Variants in CTNNA2 observed in about 807,000 individuals in gnomAD.
The protein encoded by CTNNA2 is catenin alpha 2, also known as catenin alpha-2.
A neutral mutation model predicts 101.0 loss-of-function variants in CTNNA2; 42 were observed. The observed-to-expected ratio is 0.42, with a 90% CI of 0.32 to 0.54. The LOEUF (loss-of-function observed/expected upper bound fraction) is 0.54. CTNNA2 is among the 20% of genes least tolerant of loss of function. CTNNA2 has a pLI of 0.14. For synonymous variants in CTNNA2, 450 were observed against 456.4 expected, an observed-to-expected ratio of 0.99 and a Z score of 0.18; for missense variants, 871 against 1,223.1, an observed-to-expected ratio of 0.71 and a Z score of 4.29.
intron 7 of CTNNA2, among the ~76,000 whole-genome samples, chr2:80,250,200 A>T (rs1402120914): frequency 1.7e-3 from 242 of 142,456 alleles, no homozygotes; most frequent in African/African-American, 4.1e-3. Flanking sequence ...AGAGAGAGAG[A>T]GAGAGTGTGT....
At chr2:79,605,219 G>C (rs1396733002) in intron 1 of CTNNA2, among the ~76,000 whole-genome samples, 1 of 152,086 alleles carries the variant, frequency 6.6e-6, no homozygotes, top group Non-Finnish European at 1.5e-5. Flanking sequence ...AAAATATACT[G>C]GATGGGACTA....
chr2:80,545,666 G>T (rs1243702437), intron 10 of CTNNA2, among the ~76,000 whole-genome samples: 3 of 152,204 alleles, frequency 2.0e-5, no homozygotes, highest in Non-Finnish European at 4.4e-5. Context: ...CATGAGACTT[G>T]TCCAGTAAAT....
At chr2:79,533,598 C>G (rs972830769) in intron 1 of CTNNA2, among the ~76,000 whole-genome samples, 2 of 151,972 alleles carry the variant, frequency 1.3e-5, no homozygotes. Flanking sequence ...TGATGAGAGA[C>G]ACAAGTGGCC....
At chr2:80,468,512 G>T (rs957062496) in intron 9 of CTNNA2, among the ~76,000 whole-genome samples, 1 of 152,052 alleles carries the variant, frequency 6.6e-6, no homozygotes, top group Non-Finnish European at 1.5e-5. Context: ...TCCACCTCCC[G>T]GTTCAAGTGA....
At chr2:80,601,480 A>T (rs1697529880) in intron 15 of CTNNA2, 1 of 128,160 alleles carries the variant, frequency 7.8e-6, no homozygotes, top group Non-Finnish European at 1.6e-5. Flanking sequence ...TGGAAATCAG[A>T]CTGTTTTGAT....
chr2:79,610,187 C>CT (rs1229778078), intron 1 of CTNNA2, among the ~76,000 whole-genome samples: 1 of 152,030 alleles, frequency 6.6e-6, no homozygotes, highest in African/African-American at 2.4e-5. Flanking sequence ...TCATTGGTCA[C>CT]TAAGGATATG....
intron 9 of CTNNA2, among the ~76,000 whole-genome samples, chr2:80,512,085 G>T (rs186060910): frequency 1.2e-3 from 174 of 142,914 alleles, no homozygotes; most frequent in African/African-American, 4.4e-3. Context: ...AGGAGGTAAA[G>T]GTTGCAGTGA....
At chr2:79,706,036 A>T (rs1338920009) in intron 2 of CTNNA2, among the ~76,000 whole-genome samples, 1 of 152,102 alleles carries the variant, frequency 6.6e-6, no homozygotes, top group African/African-American at 2.4e-5. Context: ...AGAGGCATGG[A>T]AGAGCCGAAG....
chr2:79,425,039 G>A (rs527599479), intron 4 of CTNNA2, among the ~76,000 whole-genome samples: 5 of 152,100 alleles, frequency 3.3e-5, no homozygotes, highest in African/African-American at 1.2e-4. Flanking sequence ...TCTTGCCAAG[G>A]TTTGGGCTGT....
chr2:79,314,022 G>T (rs1308191812), intron 3 of CTNNA2, among the ~76,000 whole-genome samples: 1 of 152,092 alleles, frequency 6.6e-6, no homozygotes, highest in Non-Finnish European at 1.5e-5. Flanking sequence ...TTTGCTGAGG[G>T]ATGGGGCATC....
chr2:80,107,133 T>G (rs1054976801), intron 7 of CTNNA2, among the ~76,000 whole-genome samples: 2 of 152,174 alleles, frequency 1.3e-5, no homozygotes, highest in Admixed American at 1.3e-4. Flanking sequence ...AGTCCCACCT[T>G]CCAGCCGTAA....
At chr2:79,322,228 G>A (rs1450553741) in intron 3 of CTNNA2, among the ~76,000 whole-genome samples, 1 of 152,202 alleles carries the variant, frequency 6.6e-6, no homozygotes, top group Admixed American at 6.5e-5. Flanking sequence ...GGAAGACTCT[G>A]CTTGAGAAGT....
chr2:79,337,581 ACTTC>A (rs1156675784), intron 3 of CTNNA2, among the ~76,000 whole-genome samples: 1 of 152,142 alleles, frequency 6.6e-6, no homozygotes, highest in African/African-American at 2.4e-5. Flanking sequence ...GAAAAAGAAG[ACTTC>A]CTTCTACCAT....
chr2:80,614,647 A>G (rs1698706244), intron 17 of CTNNA2, among the ~76,000 whole-genome samples: 1 of 151,506 alleles, frequency 6.6e-6, no homozygotes, highest in African/African-American at 2.4e-5. Context: ...ATATATGAGA[A>G]TAGTCTGATT....
intron 7 of CTNNA2, among the ~76,000 whole-genome samples, chr2:80,039,393 C>A (rs895003368): frequency 6.6e-6 from 1 of 152,144 alleles, no homozygotes; most frequent in African/African-American, 2.4e-5. Flanking sequence ...AGCCCACGGG[C>A]AGTTACTACC....
chr2:80,069,229 G>T (rs771933864), intron 7 of CTNNA2, among the ~76,000 whole-genome samples: 3 of 152,090 alleles, frequency 2.0e-5, no homozygotes, highest in Non-Finnish European at 2.9e-5. Context: ...CTGCCCTAAT[G>T]CTTGTGCACA....
At chr2:79,758,275 A>G (rs971218091) in intron 3 of CTNNA2, among the ~76,000 whole-genome samples, 2 of 152,298 alleles carry the variant, frequency 1.3e-5, no homozygotes, top group Non-Finnish European at 2.9e-5. Context: ...AATAAAAACC[A>G]GATAAGATTG....
At chr2:79,373,652 G>A (rs893966427) in intron 3 of CTNNA2, among the ~76,000 whole-genome samples, 1 of 102,358 alleles carries the variant, frequency 9.8e-6, no homozygotes, top group Non-Finnish European at 1.9e-5. Flanking sequence ...ACAAAAAAAC[G>A]GTAACTCCCT....
chr2:80,404,697 A>G (rs1359064140), intron 8 of CTNNA2, among the ~76,000 whole-genome samples: 1 of 152,184 alleles, frequency 6.6e-6, no homozygotes, highest in South Asian at 2.1e-4. Context: ...AAGGGACACT[A>G]TGGGTCTTCC....
Sources: allele counts gnomAD v4.1 joint callset (sites outside exome capture counted in the v4.1 genomes callset), GRCh38; gene constraint gnomAD v4.1.1; transcripts MANE v1.5; gene names NCBI Gene and HGNC (gene_info 2026-07-23, HGNC 2026-07-21).